Variants in SOCS4 observed in about 807,000 individuals in gnomAD.
SOCS4 encodes SH2 domain containing SOCS box protein.
SOCS4 carries 20 observed loss-of-function variants against 34.1 expected under a neutral mutation model. The ratio of observed to expected loss-of-function variants is 0.59; its 90% CI spans 0.41 to 0.85. The LOEUF (loss-of-function observed/expected upper bound fraction) is 0.85. Among genes scored for constraint, SOCS4 ranks in the 40% least tolerant of loss-of-function variants. The pLI is 0.00. For missense variants in SOCS4, 479 were observed against 532.4 expected (o/e 0.90, Z 0.99); for synonymous variants, 180 against 186.4 (o/e 0.97, Z 0.28).
At chr14:55,029,072 G>A (rs1244973967) in intron 1 of SOCS4, among the ~76,000 whole-genome samples, 3 of 152,060 alleles carry the variant, frequency 2.0e-5, no homozygotes, top group Non-Finnish European at 4.4e-5. Context: ...ATGTATTCTT[G>A]TTTTTGCTAG....
At chr14:55,042,529 T>C (rs1009877222) in intron 2 of SOCS4, among the ~76,000 whole-genome samples, 1 of 152,186 alleles carries the variant, frequency 6.6e-6, no homozygotes, top group Non-Finnish European at 1.5e-5. Flanking sequence ...AGGGTAGTAG[T>C]TCTCAAATAC....
rs76047188 is a variant in SOCS4 at position 55,045,076 on chromosome 14, G to A, written c.*712G>A. The A allele has an allele frequency of 2.4e-5, 4 of 166,928 alleles. No individual in the cohort carries two copies. The highest frequency in any genetic ancestry group is 6.5e-5 in the Admixed American group (1 of 15,274). 10.3% of individuals were successfully genotyped at this position (166,928 alleles called of 1,614,324 possible). A position where few individuals can be genotyped will look rare whatever the true frequency, so the allele number is the denominator to read the frequency against. On this transcript the variant is annotated 3_prime_UTR_variant, in exon 3 of 3. Coordinates refer to ENST00000555846, the MANE Select transcript of SOCS4 (RefSeq NM_199421.2). Reference sequence around the variant, plus strand: ...GCACTTACTCTTCTACAATGTGGCCGGATCATTTGTCATTCCTGAATAGGT... The same window carrying A: ...GCACTTACTCTTCTACAATGTGGCCAGATCATTTGTCATTCCTGAATAGGT...
At chr14:55,042,595 TAAG>T (rs905882172) in intron 2 of SOCS4, among the ~76,000 whole-genome samples, 1 of 152,176 alleles carries the variant, frequency 6.6e-6, no homozygotes, top group African/African-American at 2.4e-5. Context: ...TGCTGTGAAA[TAAG>T]AAAACTATGG....
rs574702610 is a variant in SOCS4, at chr14:55,046,020, T to G, written c.*1656T>G. ...TTAAGGAAAATCTCTATTACCGTTA[T>G]CTTTTAGCATTTTTTTTTTCCTCAG... On this transcript the variant is annotated 3_prime_UTR_variant, in exon 3 of 3. Transcript: ENST00000555846. The G allele has an allele frequency of 6.0e-6, 1 of 166,750 alleles. No individual in the cohort carries two copies. Among genetic ancestry groups the G allele is most frequent in the South Asian group, 2.1e-4 (1 of 4,834 alleles). 10.3% of individuals were successfully genotyped at this position (166,750 alleles called of 1,614,324 possible). A position where few individuals can be genotyped will look rare whatever the true frequency, so the allele number is the denominator to read the frequency against.
chr14:55,035,716 T>C (rs2042566499), intron 2 of SOCS4, among the ~76,000 whole-genome samples: 1 of 152,212 alleles, frequency 6.6e-6, no homozygotes, highest in Admixed American at 6.5e-5. Context: ...ATACATGCAT[T>C]ATTTTATCCC....
intron 2 of SOCS4, among the ~76,000 whole-genome samples, chr14:55,041,013 T>G (rs1328305752): frequency 6.6e-6 from 1 of 151,658 alleles, no homozygotes; most frequent in Non-Finnish European, 1.5e-5. Context: ...CAGGCTCCTG[T>G]GTAGCCGAGA....
chr14:55,039,283 T>A (rs1402479844), intron 2 of SOCS4, among the ~76,000 whole-genome samples: 3 of 152,006 alleles, frequency 2.0e-5, no homozygotes, highest in African/African-American at 7.2e-5. Flanking sequence ...AAAAAAATTT[T>A]AAAAATTAGT....
chr14:55,034,939 C>T (rs1447811380), intron 2 of SOCS4, among the ~76,000 whole-genome samples: 1 of 151,244 alleles, frequency 6.6e-6, no homozygotes, highest in Non-Finnish European at 1.5e-5. Flanking sequence ...TGGCTCACTG[C>T]AACCGCCGCC....
At position 55,043,525 on chromosome 14, in the gene SOCS4, G is replaced by T. The variant is rs1267753963; in HGVS notation, c.484G>T (p.Val162Leu). 1 of 1,614,160 alleles carries T rather than the reference G, an allele frequency of 6.2e-7. No homozygotes were observed. Among genetic ancestry groups the T allele is most frequent in the Admixed American group, 1.7e-5 (1 of 60,016 alleles). The change falls in exon 3 of 3, where the codon GTA (valine) becomes TTA (leucine). Residue 162 changes from valine to leucine, a missense_variant. By Grantham distance (32) the Val-to-Leu change is conservative. Coordinates refer to ENST00000555846, the MANE Select transcript of SOCS4 (RefSeq NM_199421.2). The stretch of plus-strand genomic sequence containing the variant: ...TATAAATTCCAAATCAGATGAATGG[G>T]TAAGCACAGACTTGTCTCAGACTGA... ...APINSKSDEWVSTDLSQTELR... is the reference protein window; with the variant it reads ...APINSKSDEWLSTDLSQTELR...
rs938677114 is a variant in SOCS4 at position 55,042,939 on chromosome 14, T to C, written c.-90-13T>C. ...ATGACAAATGGTTAATGACTTTTTT[T>C]TGTTTTCTTTAGATACATCCAGAAA... On this transcript the variant is annotated splice_polypyrimidine_tract_variant and intron_variant, in intron 2 of 2. Coordinates refer to ENST00000555846, the MANE Select transcript of SOCS4 (RefSeq NM_199421.2). The C allele has an allele frequency of 7.7e-6, 8 of 1,042,532 alleles. No individual in the cohort carries two copies. Among genetic ancestry groups the C allele is most frequent in the Non-Finnish European group, 1.1e-5 (8 of 727,650 alleles). The allele number at this position is 1,042,532 out of a possible 1,614,324, so 64.6% of individuals were successfully genotyped here. A position where few individuals can be genotyped will look rare whatever the true frequency, so the allele number is the denominator to read the frequency against.
At chr14:55,033,244 A>G (rs2042544686) in intron 2 of SOCS4, among the ~76,000 whole-genome samples, 1 of 152,220 alleles carries the variant, frequency 6.6e-6, no homozygotes, top group Non-Finnish European at 1.5e-5. Context: ...CTTCATAACA[A>G]TAAAAATAAT....
At chr14:55,039,830 A>C (rs2042602448) in intron 2 of SOCS4, among the ~76,000 whole-genome samples, 1 of 152,314 alleles carries the variant, frequency 6.6e-6, no homozygotes, top group South Asian at 2.1e-4. Flanking sequence ...CAGGAGGTCG[A>C]GCTTGCAGTG....
intron 1 of SOCS4, among the ~76,000 whole-genome samples, chr14:55,030,079 T>C (rs10136782): frequency 0.012 from 1,893 of 152,248 alleles, 46 homozygotes; most frequent in African/African-American, 0.044. Flanking sequence ...GAGCTAGAAA[T>C]AGAACCCAGG....
chr14:55,049,073 A>C lies in SOCS4; in HGVS notation c.*4709A>C, dbSNP rs2042703116. ...ATTGCAGTTTCCTCCTACCCTTCAT[A>C]TGGTCTGTGTAAAACTGATGTTTGC... is the stretch of plus-strand genomic sequence containing the variant. On this transcript the variant is annotated 3_prime_UTR_variant, in exon 3 of 3. Coordinates refer to ENST00000555846, the MANE Select transcript of SOCS4 (RefSeq NM_199421.2). 6.0e-6 allele frequency: 1 copy of C among 166,766 alleles called. No individual in the cohort carries two copies. Among genetic ancestry groups the C allele is most frequent in the Non-Finnish European group, 1.5e-5 (1 of 68,112 alleles). The allele number at this position is 166,766 out of a possible 1,614,324, so 10.3% of individuals were successfully genotyped here.
intron 2 of SOCS4, among the ~76,000 whole-genome samples, chr14:55,035,474 G>C (rs1291216413): frequency 2.0e-5 from 3 of 152,112 alleles, no homozygotes; most frequent in Non-Finnish European, 4.4e-5. Context: ...TTTTCCTCCT[G>C]AAAATTATAT....
rs1337208622 is a variant in SOCS4 at position 55,044,341 on chromosome 14, G to C, written c.1300G>C (p.Asp434His). The change falls in exon 3 of 3, where the codon GAT (aspartate) becomes CAT (histidine). Residue 434 changes from aspartate (D) to histidine (H), a missense_variant. By Grantham distance (81) the Asp-to-His change is moderately conservative. Transcript: ENST00000555846. Reference protein sequence around the residue: ...YKSKVRVLRIDAPEQQC With the variant: ...YKSKVRVLRIHAPEQQC ...ATCAAAAGTTAGAGTACTCAGGATT[G>C]ATGCACCAGAACAGCAATGCTAGTA... 28 of 1,610,612 alleles carry C rather than the reference G, an allele frequency of 1.7e-5. No homozygotes were observed. In the East Asian group the frequency reaches 6.2e-4, roughly 36 times the overall value.
intron 2 of SOCS4, among the ~76,000 whole-genome samples, chr14:55,037,262 A>C (rs2042580914): frequency 6.6e-6 from 1 of 151,006 alleles, no homozygotes. Flanking sequence ...CTCCTGCCTC[A>C]GCCTCCCGAG....
chr14:55,033,405 CTT>C (rs994124673), intron 2 of SOCS4, among the ~76,000 whole-genome samples: 1 of 152,104 alleles, frequency 6.6e-6, no homozygotes, highest in African/African-American at 2.4e-5. Flanking sequence ...GTTTGATAGA[CTT>C]CTCTCATTTT....
At chr14:55,042,312 A>G (rs1381211439) in intron 2 of SOCS4, among the ~76,000 whole-genome samples, 1 of 152,150 alleles carries the variant, frequency 6.6e-6, no homozygotes, top group East Asian at 1.9e-4. Context: ...TCAATTTTGT[A>G]TTTTCTAAAA....
Sources: allele counts gnomAD v4.1 joint callset (sites outside exome capture counted in the v4.1 genomes callset), GRCh38; gene constraint gnomAD v4.1.1; transcripts MANE v1.5; gene names NCBI Gene and HGNC (gene_info 2026-07-23, HGNC 2026-07-21).